The following NRXN3 variants were observed in gnomAD, a reference collection of about 807,000 sequenced individuals.
NRXN3 encodes the protein neurexin 3, also known as neurexin III.
Under a neutral mutation model 137.6 loss-of-function variants are expected in NRXN3, and 32 were observed. The observed-to-expected ratio is 0.23, with a 90% CI of 0.18 to 0.31. The LOEUF is 0.31. Among genes scored for constraint, NRXN3 ranks in the 10% least tolerant of loss-of-function variants. The pLI, the probability that NRXN3 is intolerant of heterozygous loss-of-function variation, is 1.00. For synonymous variants in NRXN3, 798 were observed against 784.5 expected, an observed-to-expected ratio of 1.02 and a Z score of -0.29; for missense variants, 1,574 against 2,062.5, an observed-to-expected ratio of 0.76 and a Z score of 4.59.
chr14:79,358,245 T>A (rs549766291), intron 15 of NRXN3, among the ~76,000 whole-genome samples: 12 of 152,082 alleles, frequency 7.9e-5, no homozygotes, highest in African/African-American at 2.9e-4. Context: ...TTAGGTTGAG[T>A]ACACAGAGCC....
intron 15 of NRXN3, among the ~76,000 whole-genome samples, chr14:79,438,108 G>A (rs987794006): frequency 5.9e-5 from 9 of 152,180 alleles, no homozygotes; most frequent in African/African-American, 1.9e-4. Context: ...TCGGGTAGGT[G>A]CAAGGTGTCC....
At chr14:79,477,920 A>G (rs1249938235) in intron 16 of NRXN3, among the ~76,000 whole-genome samples, 6 of 152,032 alleles carry the variant, frequency 3.9e-5, no homozygotes, top group African/African-American at 1.4e-4. Flanking sequence ...ATTACCAAAA[A>G]CAAAACAGGG....
chr14:79,363,812 A>G (rs999509593), intron 15 of NRXN3, among the ~76,000 whole-genome samples: 1 of 152,210 alleles, frequency 6.6e-6, no homozygotes, highest in Non-Finnish European at 1.5e-5. Flanking sequence ...ATCCTGTTAA[A>G]TCTAACACCA....
chr14:79,441,682 C>T (rs1426282628), intron 15 of NRXN3, among the ~76,000 whole-genome samples: 2 of 151,756 alleles, frequency 1.3e-5, no homozygotes, highest in African/African-American at 4.8e-5. Context: ...ACCCGACCGA[C>T]AAACAGAAAA....
At chr14:78,278,145 C>T (rs2073878480) in intron 2 of NRXN3, among the ~76,000 whole-genome samples, 2 of 152,160 alleles carry the variant, frequency 1.3e-5, no homozygotes, top group African/African-American at 4.8e-5. Flanking sequence ...GTAACTTGCT[C>T]TTAATTCTTA....
At chr14:78,615,105 C>G (rs2097334801) in intron 4 of NRXN3, 2 of 456,488 alleles carry the variant, frequency 4.4e-6, no homozygotes, top group Non-Finnish European at 8.8e-6. Flanking sequence ...TTTGAAACAA[C>G]TGGAAGTGGA....
chr14:79,123,044 C>A (rs1397772678), intron 15 of NRXN3, among the ~76,000 whole-genome samples: 1 of 152,048 alleles, frequency 6.6e-6, no homozygotes, highest in African/African-American at 2.4e-5. Flanking sequence ...TTTTTCAATT[C>A]ATCTTCAGCT....
chr14:79,315,058 C>T (rs1027597473), intron 15 of NRXN3, among the ~76,000 whole-genome samples: 23 of 152,122 alleles, frequency 1.5e-4, no homozygotes, highest in Admixed American at 1.3e-3. Context: ...CTTGGCAGCC[C>T]GTGAGTTACG....
chr14:78,912,496 A>G (rs2099241794), intron 10 of NRXN3, among the ~76,000 whole-genome samples: 1 of 151,948 alleles, frequency 6.6e-6, no homozygotes, highest in Admixed American at 6.6e-5. Flanking sequence ...CAGACCTACA[A>G]TGAACTGCTT....
At chr14:79,162,306 C>T (rs985429810) in intron 15 of NRXN3, among the ~76,000 whole-genome samples, 1 of 135,086 alleles carries the variant, frequency 7.4e-6, no homozygotes, top group African/African-American at 2.8e-5. Flanking sequence ...CCTCACCCCA[C>T]AACAGTCCCC....
At chr14:78,463,523 G>A (rs757760229) in intron 4 of NRXN3, among the ~76,000 whole-genome samples, 21 of 151,194 alleles carry the variant, frequency 1.4e-4, no homozygotes, top group Non-Finnish European at 2.4e-4. Flanking sequence ...CAGTGTATAA[G>A]CATTCCCTTT....
Position 78,275,345 on chromosome 14 carries a change from A to G in NRXN3, c.710-3300A>G, listed in dbSNP as rs1396047944. On this transcript the variant is annotated intron_variant, in intron 2 of 20. Transcript: ENST00000335750. ...TCGGCCAATAGGTATTGAATGGTGA[A>G]TAGATGATCTTCATTGATAAAACTC... Among the ~76,000 whole-genome samples the G allele has an allele frequency of 3.9e-5, 6 of 152,348 alleles. No individual in the cohort carries two copies. In the East Asian group the frequency reaches 1.2e-3, roughly 29 times the overall value.
chr14:79,756,851 C>T (rs553199004), intron 19 of NRXN3, among the ~76,000 whole-genome samples: 75 of 152,232 alleles, frequency 4.9e-4, no homozygotes, highest in African/African-American at 1.7e-3. Flanking sequence ...TACTGGGAAC[C>T]CGAAAGTTCA....
intron 4 of NRXN3, among the ~76,000 whole-genome samples, chr14:78,316,649 T>C (rs565911475): frequency 1.3e-5 from 2 of 152,326 alleles, no homozygotes; most frequent in East Asian, 3.9e-4. Context: ...GATTTATTTA[T>C]TTGATATGTC....
chr14:78,505,418 G>A (rs574203976), intron 4 of NRXN3, among the ~76,000 whole-genome samples: 155 of 152,202 alleles, frequency 1.0e-3, no homozygotes, highest in South Asian at 2.5e-3. Context: ...TGGAGCATGA[G>A]GAGATTTAGA....
chr14:78,908,447 T>C (rs2099225657), intron 10 of NRXN3, among the ~76,000 whole-genome samples: 1 of 151,946 alleles, frequency 6.6e-6, no homozygotes, highest in Non-Finnish European at 1.5e-5. Context: ...TTTCTGATTG[T>C]TGGAACTTCC....
intron 16 of NRXN3, among the ~76,000 whole-genome samples, chr14:79,539,535 A>G (rs2097252216): frequency 6.6e-6 from 1 of 152,142 alleles, no homozygotes; most frequent in Admixed American, 6.5e-5. Flanking sequence ...TCTAGGCCCT[A>G]TTTATTTTTC....
intron 15 of NRXN3, among the ~76,000 whole-genome samples, chr14:79,130,128 A>T (rs971372749): frequency 1.3e-5 from 2 of 150,398 alleles, no homozygotes; most frequent in African/African-American, 4.9e-5. Context: ...TTGACTCTTT[A>T]TCCAATTTGC....
At chr14:79,645,609 TG>T (rs2098450134) in intron 16 of NRXN3, among the ~76,000 whole-genome samples, 1 of 107,574 alleles carries the variant, frequency 9.3e-6, no homozygotes, top group Non-Finnish European at 2.2e-5. Flanking sequence ...AATGAGACTC[TG>T]TCTCAAAAAA....
Sources: allele counts gnomAD v4.1 joint callset (sites outside exome capture counted in the v4.1 genomes callset), GRCh38; gene constraint gnomAD v4.1.1; transcripts MANE v1.5; gene names NCBI Gene and HGNC (gene_info 2026-07-23, HGNC 2026-07-21).